Variants in PTPRM observed in about 807,000 individuals in gnomAD.
PTPRM encodes protein tyrosine phosphatase receptor type M, also known as receptor-type tyrosine-protein phosphatase mu.
PTPRM carries 47 observed loss-of-function variants against 186.7 expected under a neutral mutation model. The observed-to-expected ratio is 0.25, with a 90% CI of 0.20 to 0.32. The LOEUF (loss-of-function observed/expected upper bound fraction) is 0.32. PTPRM is among the 10% of genes least tolerant of loss of function. PTPRM has a pLI of 1.00. For synonymous variants in PTPRM, 668 were observed against 674.9 expected (o/e 0.99, Z 0.16); for missense variants, 1,494 against 1,865.0 (o/e 0.80, Z 3.66).
At chr18:8,370,469 C>T (rs2095657106) in intron 23 of PTPRM, among the ~76,000 whole-genome samples, 1 of 152,128 alleles carries the variant, frequency 6.6e-6, no homozygotes, top group African/African-American at 2.4e-5. Flanking sequence ...CTTTAGTGTT[C>T]AATCTGATTT....
intron 7 of PTPRM, among the ~76,000 whole-genome samples, chr18:8,007,220 T>A (rs1356983697): frequency 3.9e-5 from 6 of 152,194 alleles, no homozygotes; most frequent in Non-Finnish European, 5.9e-5. Context: ...ATTTGTTAGA[T>A]AAATACCACC....
intron 7 of PTPRM, among the ~76,000 whole-genome samples, chr18:7,960,120 T>C (rs780647575): frequency 1.6e-4 from 24 of 152,304 alleles, no homozygotes; most frequent in Middle Eastern, 3.4e-3. Flanking sequence ...CTTCTTTTTA[T>C]GTATTCTGGT....
rs531199027 is a variant in PTPRM at position 7,926,588 on chromosome 18, C to T, written c.568C>T (p.Arg190Trp). 8.1e-6 allele frequency: 13 copies of T among 1,612,742 alleles called. No individual in the cohort carries two copies. Among genetic ancestry groups the T allele is most frequent in the African/African-American group, 5.3e-5 (4 of 74,866 alleles). Residue 190 changes from arginine (R) to tryptophan (W), a missense_variant, in exon 5 of 33, where the codon CGG (arginine) becomes TGG (tryptophan). Transcript: ENST00000580170. ...HPCTRTPHFLRIQNVEVNAGQ... is the reference protein window; with the variant it reads ...HPCTRTPHFLWIQNVEVNAGQ... ...TGTAGCCAGGACTCCTCACTTCCTG[C>T]GGATTCAGAATGTGGAAGTTAATGC...
chr18:7,711,356 G>A (rs899912585), intron 1 of PTPRM, among the ~76,000 whole-genome samples: 1 of 152,156 alleles, frequency 6.6e-6, no homozygotes, highest in African/African-American at 2.4e-5. Context: ...ATATTCCCTT[G>A]GGTGCCTACA....
At chr18:7,864,995 G>A (rs2047604514) in intron 2 of PTPRM, among the ~76,000 whole-genome samples, 1 of 152,222 alleles carries the variant, frequency 6.6e-6, no homozygotes, top group African/African-American at 2.4e-5. Flanking sequence ...TTGGCTCTCT[G>A]TTTGTCTATT....
chr18:7,805,288 G>A (rs2044177373), intron 2 of PTPRM, among the ~76,000 whole-genome samples: 1 of 152,064 alleles, frequency 6.6e-6, no homozygotes, highest in Admixed American at 6.5e-5. Flanking sequence ...TGTCTCTGCT[G>A]TGCTGACATC....
intron 14 of PTPRM, among the ~76,000 whole-genome samples, chr18:8,204,425 T>C (rs1391809619): frequency 6.6e-6 from 1 of 152,138 alleles, no homozygotes; most frequent in Non-Finnish European, 1.5e-5. Flanking sequence ...TAAGGTTTTA[T>C]TAATGAAATA....
chr18:8,085,439 C>T (rs535748511), intron 9 of PTPRM, among the ~76,000 whole-genome samples: 2 of 152,146 alleles, frequency 1.3e-5, no homozygotes, highest in Non-Finnish European at 2.9e-5. Context: ...ACCCCGAACT[C>T]ATCCTGTATA....
chr18:8,262,514 C>A (rs993998207), intron 19 of PTPRM, among the ~76,000 whole-genome samples: 1 of 152,202 alleles, frequency 6.6e-6, no homozygotes, highest in Non-Finnish European at 1.5e-5. Flanking sequence ...ATCCTCCAGG[C>A]CTCCAGGGCT....
intron 2 of PTPRM, among the ~76,000 whole-genome samples, chr18:7,788,540 G>T (rs1041838841): frequency 6.6e-6 from 1 of 152,060 alleles, no homozygotes; most frequent in African/African-American, 2.4e-5. Context: ...GAGTTTTAAC[G>T]GTGAAATTGT....
intron 1 of PTPRM, among the ~76,000 whole-genome samples, chr18:7,743,758 G>C (rs1164055543): frequency 6.6e-6 from 1 of 152,058 alleles, no homozygotes; most frequent in Non-Finnish European, 1.5e-5. Flanking sequence ...TCAGTAAGCC[G>C]GTTTATAGAG....
At chr18:8,105,025 T>C (rs1348557034) in intron 11 of PTPRM, among the ~76,000 whole-genome samples, 1 of 152,202 alleles carries the variant, frequency 6.6e-6, no homozygotes, top group Non-Finnish European at 1.5e-5. Context: ...AAATGCACTT[T>C]TGTCACAGTT....
chr18:7,804,107 G>A (rs1331011765), intron 2 of PTPRM, among the ~76,000 whole-genome samples: 2 of 152,186 alleles, frequency 1.3e-5, no homozygotes, highest in Non-Finnish European at 1.5e-5. Flanking sequence ...GTATAGCAGA[G>A]TCCAGAGGCT....
intron 7 of PTPRM, among the ~76,000 whole-genome samples, chr18:8,005,501 G>A (rs2084125255): frequency 6.6e-6 from 1 of 152,140 alleles, no homozygotes; most frequent in Admixed American, 6.5e-5. Flanking sequence ...CCAGATCAGT[G>A]GTTGAGGTTG....
At chr18:8,076,689 G>A in intron 9 of PTPRM, 125 bp downstream of exon 9, 1 of 521,280 alleles carries the variant, frequency 1.9e-6, no homozygotes, top group East Asian at 3.4e-5. Context: ...GCTTTCAGTA[G>A]TTATAATGGT....
chr18:7,578,540 T>G (rs201482438), intron 1 of PTPRM, among the ~76,000 whole-genome samples: 1 of 152,056 alleles, frequency 6.6e-6, no homozygotes, highest in East Asian at 1.9e-4. Flanking sequence ...TTTCACTGTG[T>G]TAGCCAGGAT....
At chr18:8,352,903 C>T (rs2095543487) in intron 23 of PTPRM, among the ~76,000 whole-genome samples, 1 of 152,250 alleles carries the variant, frequency 6.6e-6, no homozygotes, top group African/African-American at 2.4e-5. Context: ...AACTCCTGAC[C>T]TTGTGATCCA....
intron 2 of PTPRM, among the ~76,000 whole-genome samples, chr18:7,851,230 G>A (rs1441282055): frequency 4.6e-5 from 7 of 152,176 alleles, no homozygotes; most frequent in African/African-American, 1.7e-4. Flanking sequence ...GACATGGCAG[G>A]TCTAGCATAC....
intron 13 of PTPRM, among the ~76,000 whole-genome samples, chr18:8,130,340 TG>T (rs2092472557): frequency 1.3e-5 from 2 of 152,118 alleles, no homozygotes; most frequent in South Asian, 4.1e-4. Flanking sequence ...CTCAAATGCT[TG>T]TTGACTGGAA....
Sources: gnomAD v4.1 joint callset for allele counts (sites outside exome capture counted in the v4.1 genomes callset) on GRCh38, gnomAD v4.1.1 for gene constraint, MANE v1.5 for transcripts, NCBI Gene and HGNC (gene_info 2026-07-23, HGNC 2026-07-21) for gene names.